The following DDAH1 variants were observed in gnomAD, a reference collection of about 807,000 sequenced individuals.
DDAH1 encodes N(G),N(G)-dimethylarginine dimethylaminohydrolase 1.
DDAH1 carries 19 observed loss-of-function variants against 28.8 expected under a neutral mutation model. The ratio of observed to expected loss-of-function variants is 0.66; its 90% CI spans 0.46 to 0.97. DDAH1 has a LOEUF of 0.97. Ranked by LOEUF, DDAH1 falls within the 50% of genes least tolerant of loss-of-function variation. The pLI is 0.00. For missense variants in DDAH1, 326 were observed against 375.9 expected, an observed-to-expected ratio of 0.87 and a Z score of 1.10; for synonymous variants, 153 against 154.4, an observed-to-expected ratio of 0.99 and a Z score of 0.07.
intron 1 of DDAH1, among the ~76,000 whole-genome samples, chr1:85,499,381 G>T (rs930701068): frequency 1.6e-4 from 24 of 152,108 alleles, no homozygotes; most frequent in Admixed American, 1.3e-3. Flanking sequence ...ATGATAAAAA[G>T]AAACTTCTTG....
chr1:85,494,581 G>A (rs773631316), intron 2 of DDAH1: 1 of 152,172 alleles, frequency 6.6e-6, no homozygotes, highest in Non-Finnish European at 1.5e-5. Context: ...CAGAAAACCA[G>A]TCTAGAGTTT....
chr1:85,464,864 T>C lies in DDAH1; in HGVS notation c.182A>G (p.Gln61Arg). ...CTCGTCGGCCGGCAGCTCCACCACC[T>C]GCAGCCCCAGCTTGCTGCCCAGCAC... ...VGVLGSKLGLQVVELPADESL... is the reference protein window; with the variant it reads ...VGVLGSKLGLRVVELPADESL... Residue 61 changes from glutamine (Q) to arginine (R), a missense_variant, in exon 1 of 6, where the codon CAG (glutamine) becomes CGG (arginine). Transcript: ENST00000284031. The surrounding 1 kb of genome is among the most constrained non-coding windows in gnomAD (Gnocchi z 4.4). 1.9e-6 allele frequency: 3 copies of C among 1,585,456 alleles called. No homozygotes were observed. Among genetic ancestry groups the C allele is most frequent in the Non-Finnish European group, 1.7e-6 (2 of 1,174,292 alleles).
At chr1:85,395,213 T>C (rs1238333173) in intron 1 of DDAH1, among the ~76,000 whole-genome samples, 1 of 152,060 alleles carries the variant, frequency 6.6e-6, no homozygotes, top group Admixed American at 6.6e-5. Flanking sequence ...AACTATTAAG[T>C]AGGAAAAAGA....
intron 1 of DDAH1, among the ~76,000 whole-genome samples, chr1:85,507,172 A>C (rs771103352): frequency 1.3e-5 from 2 of 152,106 alleles, no homozygotes; most frequent in African/African-American, 4.8e-5. Flanking sequence ...AGTTGTTGAA[A>C]TCATTACACC....
chr1:85,386,564 T>C (rs1475576028), intron 1 of DDAH1, among the ~76,000 whole-genome samples: 2 of 152,232 alleles, frequency 1.3e-5, no homozygotes, highest in Non-Finnish European at 2.9e-5. Context: ...GCACACATGG[T>C]TGATCTCATG....
intron 1 of DDAH1, chr1:85,577,932 G>A (rs1000341160): frequency 2.0e-6 from 2 of 982,546 alleles, no homozygotes; most frequent in South Asian, 4.7e-5. Flanking sequence ...GGAGGGTGAA[G>A]GAGAAACTAG....
At chr1:85,485,279 T>G (rs1656164425) in intron 2 of DDAH1, among the ~76,000 whole-genome samples, 1 of 152,156 alleles carries the variant, frequency 6.6e-6, no homozygotes, top group South Asian at 2.1e-4. Flanking sequence ...AGCATCATAT[T>G]AAGAACAAAT....
chr1:85,324,893 G>T lies in DDAH1; in HGVS notation c.598-10C>A, dbSNP rs1327165439. 2.5e-6 allele frequency: 4 copies of T among 1,613,628 alleles called. No individual in the cohort carries two copies. The highest frequency in any genetic ancestry group is 1.7e-5 in the Admixed American group (1 of 59,978). ...TCATCTGTTGCATGATCTATAAAGAGAAACAAAGCAGGCCTAAGAAGAGTA... is the reference window on the plus strand; with the variant it reads ...TCATCTGTTGCATGATCTATAAAGATAAACAAAGCAGGCCTAAGAAGAGTA... On this transcript the variant is annotated splice_polypyrimidine_tract_variant and intron_variant, in intron 4 of 5. Transcript: ENST00000284031.
At chr1:85,336,659 T>C (rs1319232254) in intron 4 of DDAH1, among the ~76,000 whole-genome samples, 1 of 150,656 alleles carries the variant, frequency 6.6e-6, no homozygotes, top group Non-Finnish European at 1.5e-5. Flanking sequence ...ACAAAACTAG[T>C]AGAAGGAAAG....
rs1237582538 is a variant in DDAH1 at position 85,439,120 on chromosome 1, A to G, written c.303+25623T>C. Among the ~76,000 whole-genome samples, 3 of 152,026 alleles carry G rather than the reference A, an allele frequency of 2.0e-5. No homozygotes were observed. The East Asian group carries it at 5.8e-4, about 29-fold the overall frequency. On this transcript the variant is annotated intron_variant, in intron 1 of 5. Coordinates refer to ENST00000284031, the MANE Select transcript of DDAH1 (RefSeq NM_012137.4). ...ATGCTTAATTAATGGTGACTATTAT[A>G]ATCAGTCATTGTTATTTCTGCAGTT...
chr1:85,436,236 A>T (rs483530), intron 1 of DDAH1, among the ~76,000 whole-genome samples: 80,706 of 146,310 alleles, frequency 0.55, 21,645 homozygotes, highest in Middle Eastern at 0.65. Context: ...AATTTAAAAA[A>T]TTTTTTTTTC....
chr1:85,531,603 G>T (rs7526255), intron 1 of DDAH1, among the ~76,000 whole-genome samples: 1 of 148,206 alleles, frequency 6.7e-6, no homozygotes, highest in South Asian at 2.2e-4. Flanking sequence ...CCAGGGAAGT[G>T]GGTATTTTTT....
At chr1:85,502,761 A>T (rs1030135063) in intron 1 of DDAH1, among the ~76,000 whole-genome samples, 3 of 152,092 alleles carry the variant, frequency 2.0e-5, no homozygotes, top group Admixed American at 6.5e-5. Flanking sequence ...GGCCTGCATT[A>T]AAGAGTCCTC....
intron 1 of DDAH1, chr1:85,399,069 C>T (rs1368057664): frequency 6.6e-6 from 1 of 152,160 alleles, no homozygotes; most frequent in Non-Finnish European, 1.5e-5. Flanking sequence ...TGTGCAATTG[C>T]TAATACTTCT....
chr1:85,500,114 TTTTC>T (rs199804690), intron 1 of DDAH1, among the ~76,000 whole-genome samples: 16,750 of 129,508 alleles, frequency 0.13, 1,337 homozygotes, highest in African/African-American at 0.21. Flanking sequence ...CTTTCTTTTC[TTTTC>T]TTTCTTTCTT....
At chr1:85,417,926 A>G (rs1652954303) in intron 1 of DDAH1, among the ~76,000 whole-genome samples, 1 of 152,266 alleles carries the variant, frequency 6.6e-6, no homozygotes, top group Non-Finnish European at 1.5e-5. Context: ...TAATTATTAC[A>G]TATATTTACA....
intron 1 of DDAH1, among the ~76,000 whole-genome samples, chr1:85,514,617 A>G (rs1657379940): frequency 6.7e-6 from 1 of 150,356 alleles, no homozygotes; most frequent in African/African-American, 2.5e-5. Context: ...ATCACTTCCA[A>G]TGATGGCAAA....
chr1:85,532,144 T>C (rs1362158924), intron 1 of DDAH1, among the ~76,000 whole-genome samples: 2 of 151,816 alleles, frequency 1.3e-5, no homozygotes, highest in African/African-American at 4.8e-5. Flanking sequence ...ACCTGCTGTC[T>C]TAGAGACCCC....
chr1:85,446,246 C>A (rs988594231), intron 1 of DDAH1, among the ~76,000 whole-genome samples: 1 of 152,126 alleles, frequency 6.6e-6, no homozygotes, highest in African/African-American at 2.4e-5. Context: ...ACGATCATGG[C>A]AGAAGCTGAA....
Sources: gnomAD v4.1 joint callset for allele counts (sites outside exome capture counted in the v4.1 genomes callset) on GRCh38, gnomAD v4.1.1 for gene constraint, Gnocchi (gnomAD v3.1) non-coding constraint, MANE v1.5 for transcripts, NCBI Gene and HGNC (gene_info 2026-07-23, HGNC 2026-07-21) for gene names.